TNC: variants seen among roughly 807,000 people sequenced by gnomAD.
The protein encoded by TNC is tenascin.
A neutral mutation model predicts 202.4 loss-of-function variants in TNC; 109 were observed. The observed-to-expected ratio is 0.54, with a 90% CI of 0.46 to 0.63. TNC has a LOEUF of 0.63. TNC is among the 30% of genes least tolerant of loss of function. The probability of loss-of-function intolerance (pLI) is 0.00; values close to 1 mark genes in which losing one functional copy is unlikely to be tolerated. For missense variants in TNC, 2,756 were observed against 2,833.3 expected (o/e 0.97, Z 0.62); for synonymous variants, 1,007 against 1,089.7 (o/e 0.92, Z 1.50).
chr9:115,055,007 T>C (rs887813893), intron 15 of TNC, among the ~76,000 whole-genome samples: 1 of 152,192 alleles, frequency 6.6e-6, no homozygotes, highest in African/African-American at 2.4e-5. Context: ...CTCAGCATGC[T>C]CAGGGCACCT....
chr9:115,072,176 T>C (rs944544707), intron 10 of TNC, among the ~76,000 whole-genome samples: 2 of 152,156 alleles, frequency 1.3e-5, no homozygotes, highest in Non-Finnish European at 2.9e-5. Context: ...ATTGGTGGGG[T>C]TTCCAGAAAG....
chr9:115,040,893 T>G, intron 19 of TNC, 48 bp downstream of exon 19: 1 of 1,533,960 alleles, frequency 6.5e-7, no homozygotes, highest in Non-Finnish European at 8.8e-7. Context: ...ACAAGTGACC[T>G]CTGAAAAATA....
At chr9:115,107,277 A>G (rs186453728) in intron 1 of TNC, among the ~76,000 whole-genome samples, 1 of 152,306 alleles carries the variant, frequency 6.6e-6, no homozygotes, top group Admixed American at 6.5e-5. Context: ...CAACTCTGCT[A>G]TTGTAGAGGC....
intron 2 of TNC, among the ~76,000 whole-genome samples, chr9:115,089,136 A>C (rs1011092332): frequency 3.9e-5 from 6 of 152,220 alleles, no homozygotes; most frequent in South Asian, 2.1e-4. Flanking sequence ...CAGAAGTGGA[A>C]GATAAACTAA....
Position 115,090,958 on chromosome 9 carries a change from C to T in TNC, c.61G>A (p.Glu21Lys), listed in dbSNP as rs141126037. Residue 21 changes from glutamate (E) to lysine (K), a missense_variant, in exon 2 of 28, where the codon GAA becomes AAA. By Grantham distance (56) the Glu-to-Lys change is moderately conservative. This residue lies in a region of TNC where 2,559 missense variants were observed against 2,546.0 expected (regional missense o/e 1.01). Coordinates refer to ENST00000350763, the MANE Select transcript of TNC (RefSeq NM_002160.4). ...ATGACTTTCTTGAGGACCCCACCTT[C>T]GGTAGCGAGGGCAAGGAAAGCAAGA... ...VFLAFLALATEGGVLKKVIRH... is the reference protein window; with the variant it reads ...VFLAFLALATKGGVLKKVIRH... The T allele has an allele frequency of 1.9e-3, 3,035 of 1,614,076 alleles. 3 individuals are homozygous for T. Among genetic ancestry groups the T allele is most frequent in the Non-Finnish European group, 2.4e-3 (2,840 of 1,180,038 alleles).
At chr9:115,061,657 A>G (rs1832555954) in intron 13 of TNC, among the ~76,000 whole-genome samples, 1 of 152,220 alleles carries the variant, frequency 6.6e-6, no homozygotes, top group African/African-American at 2.4e-5. Flanking sequence ...AATTGTTTTG[A>G]ATTGAGTGAT....
At chr9:115,059,262 C>A (rs1832363660) in intron 14 of TNC, among the ~76,000 whole-genome samples, 1 of 152,156 alleles carries the variant, frequency 6.6e-6, no homozygotes, top group South Asian at 2.1e-4. Context: ...TTCTTACATG[C>A]AAGAACCACA....
chr9:115,094,633 A>T (rs1929395), intron 1 of TNC, among the ~76,000 whole-genome samples: 69,737 of 152,020 alleles, frequency 0.46, 16,388 homozygotes, highest in African/African-American at 0.53. Flanking sequence ...TAATCTTTAT[A>T]GAAAATTGAT....
intron 1 of TNC, among the ~76,000 whole-genome samples, chr9:115,096,412 A>G (rs1380368718): frequency 6.6e-6 from 1 of 152,226 alleles, no homozygotes; most frequent in Admixed American, 6.5e-5. Context: ...TGGTTACAAT[A>G]TGAGACAGTG....
chr9:115,034,517 G>C (rs773853292), intron 22 of TNC, among the ~76,000 whole-genome samples: 2 of 152,092 alleles, frequency 1.3e-5, no homozygotes, highest in East Asian at 3.8e-4. Flanking sequence ...GCAGGATATA[G>C]AATAAAATAC....
At chr9:115,064,975 T>C in intron 10 of TNC, 56 bp from the exon 11 acceptor site, 1 of 1,570,644 alleles carries the variant, frequency 6.4e-7, no homozygotes, top group Non-Finnish European at 8.6e-7. Context: ...GTTTTGCTTC[T>C]GAGAACCTGG....
rs564201414 is a variant in TNC, at chr9:115,046,454, C to T, written c.5081G>A (p.Ser1694Asn). 13 of 1,614,156 alleles carry T rather than the reference C, an allele frequency of 8.1e-6. No homozygotes were observed. In the South Asian group the frequency reaches 1.2e-4, roughly 15 times the overall value. Residue 1694 changes from serine to asparagine, a missense_variant, in exon 17 of 28, where the codon AGC (serine) becomes AAC (asparagine). Around this residue, in one of 2 missense-constraint regions of TNC, gnomAD observed 2,559 missense variants for 2,546.0 expected, o/e 1.01. Coordinates refer to ENST00000350763, the MANE Select transcript of TNC (RefSeq NM_002160.4). ...TEYEIELYGI[S>N]KGRRSQTVSA... The stretch of plus-strand genomic sequence containing the variant: ...GACTGTCTGGGATCGCCTTCCTTTG[C>T]TTATTCCATAGAGTTCAATTTCGTA...
intron 1 of TNC, among the ~76,000 whole-genome samples, chr9:115,099,878 T>G (rs1228287982): frequency 6.6e-6 from 1 of 152,198 alleles, no homozygotes; most frequent in Non-Finnish European, 1.5e-5. Flanking sequence ...TGTATAAATC[T>G]TAGTATTTCA....
intron 14 of TNC, among the ~76,000 whole-genome samples, chr9:115,059,424 A>AC (rs1235440151): frequency 6.6e-6 from 1 of 152,156 alleles, no homozygotes; most frequent in Non-Finnish European, 1.5e-5. Context: ...GTGAATTAAA[A>AC]CCATCAGGCT....
rs779565335 is a variant in TNC at position 115,087,255 on chromosome 9, G to A, written c.476C>T (p.Pro159Leu). 1 of 1,612,346 alleles carries A rather than the reference G, an allele frequency of 6.2e-7. No homozygotes were observed. Among genetic ancestry groups the A allele is most frequent in the Admixed American group, 1.7e-5 (1 of 60,008 alleles). Reference protein sequence around the residue: ...QPATGRLDTRPFCSGRGNFST... With the variant: ...QPATGRLDTRLFCSGRGNFST... ...GAAGTTGCCCCGACCGCTACAGAAGGGCCTGGTGTCCAAGCGGCCTGCAAC... is the reference window on the plus strand; with the variant it reads ...GAAGTTGCCCCGACCGCTACAGAAGAGCCTGGTGTCCAAGCGGCCTGCAAC... The change falls in exon 3 of 28, where the codon CCC becomes CTC. Residue 159 changes from proline to leucine, a missense_variant. Pro to Leu is a moderately conservative substitution (Grantham distance 98, BLOSUM62 -3). Around this residue, in one of 2 missense-constraint regions of TNC, gnomAD observed 2,559 missense variants for 2,546.0 expected, o/e 1.01. Coordinates refer to ENST00000350763, the MANE Select transcript of TNC (RefSeq NM_002160.4).
chr9:115,063,940 C>G lies in TNC; in HGVS notation c.3616G>C (p.Glu1206Gln). Reference protein sequence around the residue: ...FIQVQEADTVEAAQNLTVPGG... With the variant: ...FIQVQEADTVQAAQNLTVPGG... ...GGGACGGTGAGGTTCTGGGCTGCCT[C>G]TACTGTGTCAGCCTCCTGCACCTGA... The change falls in exon 12 of 28, where the codon GAG becomes CAG. Residue 1206 changes from glutamate to glutamine, a missense_variant. Physicochemically the swap from Glu to Gln is conservative, Grantham distance 29 (BLOSUM62 2). Around this residue, in one of 2 missense-constraint regions of TNC, gnomAD observed 2,559 missense variants for 2,546.0 expected, o/e 1.01. Transcript: ENST00000350763. 1 of 1,614,188 alleles carries G rather than the reference C, an allele frequency of 6.2e-7. No homozygotes were observed. The highest frequency in any genetic ancestry group is 8.5e-7 in the Non-Finnish European group (1 of 1,180,038).
chr9:115,021,467 C>T (rs1270126464), intron 27 of TNC, among the ~76,000 whole-genome samples, 200 bp from the exon 28 acceptor site: 1 of 152,216 alleles, frequency 6.6e-6, no homozygotes, highest in Non-Finnish European at 1.5e-5. Flanking sequence ...TTCAAAGGAA[C>T]TGGCTGAATC....
intron 1 of TNC, among the ~76,000 whole-genome samples, chr9:115,114,216 T>C (rs984533727): frequency 1.3e-5 from 2 of 152,172 alleles, no homozygotes; most frequent in African/African-American, 4.8e-5. Context: ...CGGGATAAGA[T>C]TCAAGGGGAT....
At chr9:115,052,167 T>C (rs1464646906) in intron 15 of TNC, among the ~76,000 whole-genome samples, 2 of 151,718 alleles carry the variant, frequency 1.3e-5, no homozygotes, top group East Asian at 3.9e-4. Context: ...ACAACACGGA[T>C]GAACCCAGAA....
Sources: allele counts gnomAD v4.1 joint callset (sites outside exome capture counted in the v4.1 genomes callset), GRCh38; gene constraint gnomAD v4.1.1; regional missense constraint gnomAD v4.1.1; transcripts MANE v1.5; gene names NCBI Gene and HGNC (gene_info 2026-07-23, HGNC 2026-07-21).